ETS1: variants seen among roughly 807,000 people sequenced by gnomAD.
ETS1 encodes ETS proto-oncogene 1, transcription factor, also known as protein C-ets-1.
In ETS1, 15 loss-of-function variants were observed where a neutral mutation model predicts 58.6. The observed-to-expected ratio is 0.26, with a 90% CI of 0.17 to 0.39. The LOEUF (loss-of-function observed/expected upper bound fraction) is 0.39, where lower values mean the gene tolerates loss of function less well. Ranked by LOEUF, ETS1 falls within the 10% of genes least tolerant of loss-of-function variation. ETS1 has a pLI of 1.00. For synonymous variants in ETS1, 214 were observed against 218.2 expected (o/e 0.98, Z 0.17); for missense variants, 417 against 610.5 (o/e 0.68, Z 3.34).
intron 3 of ETS1, among the ~76,000 whole-genome samples, chr11:128,550,512 T>C (rs981829993): frequency 6.6e-6 from 1 of 152,222 alleles, no homozygotes; most frequent in African/African-American, 2.4e-5. Context: ...CCTAGCGGAC[T>C]GCTTGGGCTA....
chr11:128,499,439 A>G (rs1050261564), intron 3 of ETS1, among the ~76,000 whole-genome samples: 6 of 152,110 alleles, frequency 3.9e-5, no homozygotes, highest in African/African-American at 1.4e-4. Flanking sequence ...TATTATCTTT[A>G]TCATGTAGGT....
At position 128,461,820 on chromosome 11, in the gene ETS1, T is replaced by G. The variant is rs1861912483; in HGVS notation, c.*541A>C. On this transcript the variant is annotated 3_prime_UTR_variant, in exon 10 of 10. Coordinates refer to ENST00000392668, the MANE Select transcript of ETS1 (RefSeq NM_001143820.2). ...TTAACACAACAACGGTTTTGGCCCC[T>G]CCCCACTGAAGTCCATCTTTGCTTC... 1 of 152,920 alleles carries G rather than the reference T, an allele frequency of 6.5e-6. No homozygotes were observed. Among genetic ancestry groups the G allele is most frequent in the African/African-American group, 2.4e-5 (1 of 41,420 alleles). The allele number at this position is 152,920 out of a possible 1,614,324, so 9.5% of individuals were successfully genotyped here.
chr11:128,571,185 T>G lies in ETS1; in HGVS notation c.69+1877A>C, dbSNP rs573737836. Among the ~76,000 whole-genome samples the G allele has an allele frequency of 7.2e-5, 11 of 151,800 alleles. No homozygotes were observed. In the East Asian group the frequency reaches 1.9e-3, roughly 27 times the overall value. ...GGCTCACGCTTGTAATCCCAGCACT[T>G]TGGGAGGCCGAGGCGGGCGGATCAC... is the stretch of plus-strand genomic sequence containing the variant. On this transcript the variant is annotated intron_variant, in intron 2 of 9. Transcript: ENST00000392668.
chr11:128,525,453 A>G (rs1158857122), intron 3 of ETS1, among the ~76,000 whole-genome samples: 2 of 152,144 alleles, frequency 1.3e-5, no homozygotes, highest in African/African-American at 4.8e-5. Flanking sequence ...CTAGCATGTT[A>G]TCTACTCCTG....
At chr11:128,475,615 G>T (rs995619456) in intron 8 of ETS1, among the ~76,000 whole-genome samples, 11 of 144,698 alleles carry the variant, frequency 7.6e-5, no homozygotes, top group African/African-American at 1.5e-4. Context: ...TGGAGTGTGC[G>T]ATCTCGGCTC....
chr11:128,511,871 T>A (rs867620131), intron 3 of ETS1, among the ~76,000 whole-genome samples: 13 of 152,336 alleles, frequency 8.5e-5, no homozygotes, highest in South Asian at 6.2e-4. Context: ...CTTGGGAGGG[T>A]AACTTGGCAT....
chr11:128,569,315 C>CTTTTTTTTTTTTTTTTTTT (rs1864572866), intron 2 of ETS1, among the ~76,000 whole-genome samples: 2 of 35,136 alleles, frequency 5.7e-5, no homozygotes, highest in African/African-American at 1.1e-4. Flanking sequence ...GACAGAGTTT[C>CTTTTTTTTTTTTTTTTTTT]TTCTTTTTTT....
chr11:128,584,669 T>G (rs372487043), intron 1 of ETS1, among the ~76,000 whole-genome samples: 3 of 152,224 alleles, frequency 2.0e-5, no homozygotes, highest in East Asian at 1.9e-4. Flanking sequence ...AGCTATACTT[T>G]CAGTACAGCA....
chr11:128,497,381 A>G (rs944511214), intron 3 of ETS1, among the ~76,000 whole-genome samples: 11 of 152,226 alleles, frequency 7.2e-5, no homozygotes, highest in African/African-American at 2.4e-4. Flanking sequence ...TCCAAATTGC[A>G]TGGAGAAGCT....
chr11:128,509,229 T>C (rs1045505184), intron 3 of ETS1, among the ~76,000 whole-genome samples: 1 of 152,252 alleles, frequency 6.6e-6, no homozygotes, highest in African/African-American at 2.4e-5. Flanking sequence ...ATAGATTCTT[T>C]ATTTTTAAAA....
intron 3 of ETS1, among the ~76,000 whole-genome samples, chr11:128,505,796 T>C (rs761627447): frequency 2.0e-5 from 3 of 152,198 alleles, no homozygotes; most frequent in Non-Finnish European, 4.4e-5. Flanking sequence ...TGTGCAGCCC[T>C]CATCCGCTGC....
intron 3 of ETS1, among the ~76,000 whole-genome samples, chr11:128,535,271 G>A (rs1238465822): frequency 6.6e-6 from 1 of 152,086 alleles, no homozygotes; most frequent in Non-Finnish European, 1.5e-5. Context: ...TTTTTAATGG[G>A]GTTGTTTTGT....
At chr11:128,514,984 T>A (rs1444208951) in intron 3 of ETS1, among the ~76,000 whole-genome samples, 1 of 152,220 alleles carries the variant, frequency 6.6e-6, no homozygotes. Flanking sequence ...TGTCTTTTTT[T>A]AATTCAAAAA....
At chr11:128,542,392 A>G (rs888810480) in intron 3 of ETS1, among the ~76,000 whole-genome samples, 2 of 152,174 alleles carry the variant, frequency 1.3e-5, no homozygotes, top group East Asian at 3.8e-4. Context: ...GGAGGGTAAA[A>G]GAGAGACTTT....
Position 128,463,369 on chromosome 11 carries a change from T to C in ETS1, c.1242+140A>G. 1 of 645,670 alleles carries C rather than the reference T, an allele frequency of 1.5e-6. No homozygotes were observed. 40.0% of individuals were successfully genotyped at this position (645,670 alleles called of 1,614,324 possible). On this transcript the variant is annotated intron_variant, in intron 9 of 9. Coordinates refer to ENST00000392668, the MANE Select transcript of ETS1 (RefSeq NM_001143820.2). The surrounding 1 kb of genome is among the most constrained non-coding windows in gnomAD (Gnocchi z 4.1). ...TAATGAACCTGGAGCTCAGACAGGC[T>C]ACCTAGCTTGCTCCGGGTGGCAAGT...
At chr11:128,496,835 A>C (rs1215109331) in intron 3 of ETS1, among the ~76,000 whole-genome samples, 1 of 152,222 alleles carries the variant, frequency 6.6e-6, no homozygotes, top group African/African-American at 2.4e-5. Flanking sequence ...CTTCTGGCTA[A>C]GGTTAATGCA....
chr11:128,584,797 T>TA (rs1278972349), intron 1 of ETS1, among the ~76,000 whole-genome samples: 9 of 150,756 alleles, frequency 6.0e-5, no homozygotes, highest in African/African-American at 2.2e-4. Flanking sequence ...CATACCACAT[T>TA]AATTTTGCTC....
intron 2 of ETS1, among the ~76,000 whole-genome samples, chr11:128,557,538 C>T (rs978997684): frequency 6.6e-6 from 1 of 152,166 alleles, no homozygotes; most frequent in Non-Finnish European, 1.5e-5. Context: ...TTAAGAGATC[C>T]TTAACATTCC....
intron 3 of ETS1, among the ~76,000 whole-genome samples, chr11:128,548,149 A>AGGGAT (rs1340006317): frequency 6.6e-6 from 1 of 150,918 alleles, no homozygotes; most frequent in East Asian, 2.0e-4. Context: ...AGGGAAGGGA[A>AGGGAT]GGGAAGGAAA....
Sources: gnomAD v4.1 joint callset for allele counts (sites outside exome capture counted in the v4.1 genomes callset) on GRCh38, gnomAD v4.1.1 for gene constraint, Gnocchi (gnomAD v3.1) non-coding constraint, MANE v1.5 for transcripts, NCBI Gene and HGNC (gene_info 2026-07-23, HGNC 2026-07-21) for gene names.